CRYBG3: variants seen among roughly 807,000 people sequenced by gnomAD.
CRYBG3 encodes crystallin beta-gamma domain containing 3.
In CRYBG3, 127 loss-of-function variants were observed where a neutral mutation model predicts 244.2. The ratio of observed to expected loss-of-function variants is 0.52; its 90% CI spans 0.45 to 0.60. The LOEUF (loss-of-function observed/expected upper bound fraction) is 0.60. Ranked by LOEUF, CRYBG3 falls within the 20% of genes least tolerant of loss-of-function variation. CRYBG3 has a pLI of 0.00. For synonymous variants in CRYBG3, 1,132 were observed against 1,195.8 expected (o/e 0.95, Z 1.10); for missense variants, 3,325 against 3,442.5 (o/e 0.97, Z 0.85).
rs576111863 is a variant in CRYBG3 at position 97,913,667 on chromosome 3, G to C, written c.8114+1391G>C. On this transcript the variant is annotated intron_variant, in intron 16 of 21. Coordinates refer to ENST00000389622, the MANE Select transcript of CRYBG3 (RefSeq NM_153605.4). ...GTGGGGCAGATTTGGCCCACATGCT[G>C]TAGTTTGCTGACACCTGTTTCATAC... 7.2e-5 allele frequency among the ~76,000 whole-genome samples: 11 copies of C among 152,294 alleles called. No homozygotes were observed. In the East Asian group the frequency reaches 9.6e-4, roughly 13 times the overall value.
At chr3:97,905,041 A>G (rs961073697) in intron 15 of CRYBG3, among the ~76,000 whole-genome samples, 5 of 151,802 alleles carry the variant, frequency 3.3e-5, no homozygotes, top group African/African-American at 4.8e-5. Flanking sequence ...ATGATTTCCA[A>G]TTTCATCCAT....
chr3:97,856,384 G>A (rs1258260430), intron 2 of CRYBG3, among the ~76,000 whole-genome samples: 1 of 152,082 alleles, frequency 6.6e-6, no homozygotes, highest in Non-Finnish European at 1.5e-5. Flanking sequence ...ACATGATGAG[G>A]ATGGCGACAT....
Position 97,904,215 on chromosome 3 carries a change from G to T in CRYBG3, c.8004+3730G>T, listed in dbSNP as rs75545819. On this transcript the variant is annotated intron_variant, in intron 15 of 21. Transcript: ENST00000389622. ...GACAATCCTCAGAACATTATTATGA[G>T]AATTGTTCTATTTTGAGGATTGATA... Among the ~76,000 whole-genome samples, 788 of 152,210 alleles carry T rather than the reference G, an allele frequency of 5.2e-3. 5 individuals carry two copies. Among genetic ancestry groups the T allele is most frequent in the African/African-American group, 0.018 (748 of 41,516 alleles).
At chr3:97,849,966 T>C (rs1207304926) in intron 2 of CRYBG3, among the ~76,000 whole-genome samples, 1 of 152,182 alleles carries the variant, frequency 6.6e-6, no homozygotes, top group Non-Finnish European at 1.5e-5. Context: ...GCATCTTGGC[T>C]AGTGACTAGC....
At chr3:97,832,500 A>G (rs1366323122) in intron 1 of CRYBG3, among the ~76,000 whole-genome samples, 1 of 152,202 alleles carries the variant, frequency 6.6e-6, no homozygotes, top group African/African-American at 2.4e-5. Flanking sequence ...TGGTTTTGGG[A>G]AAACTGGCTA....
At chr3:97,900,269 G>A (rs1484433501) in intron 14 of CRYBG3, among the ~76,000 whole-genome samples, 184 bp from the exon 15 acceptor site, 1 of 152,056 alleles carries the variant, frequency 6.6e-6, no homozygotes, top group African/African-American at 2.4e-5. Context: ...GATCGCTTGA[G>A]CCCTGAAGAT....
rs1240818053 is a variant in CRYBG3, at chr3:97,876,337, G to A, written c.5143G>A (p.Glu1715Lys). ...AEVIPVTLAM[E>K]NTYQKDAEGD... ...AGTGATACCCGTTACATTAGCAATG[G>A]AAAATACTTACCAAAAGGATGCTGA... is the stretch of plus-strand genomic sequence containing the variant. Residue 1715 changes from glutamate to lysine, a missense_variant, in exon 4 of 22, where the codon GAA becomes AAA. Coordinates refer to ENST00000389622, the MANE Select transcript of CRYBG3 (RefSeq NM_153605.4). 8.1e-7 allele frequency: 1 copy of A among 1,231,516 alleles called. No individual in the cohort carries two copies. The highest frequency in any genetic ancestry group is 1.0e-6 in the Non-Finnish European group (1 of 987,846). The allele number at this position is 1,231,516 out of a possible 1,614,324, so 76.3% of individuals were successfully genotyped here.
rs1030090690 is a variant in CRYBG3, at chr3:97,878,152, T to C, written c.6843+115T>C. The C allele has an allele frequency of 1.3e-5, 12 of 941,738 alleles. No homozygotes were observed. In the African/African-American group the frequency reaches 2.0e-4, roughly 16 times the overall value. The allele number at this position is 941,738 out of a possible 1,614,324, so 58.3% of individuals were successfully genotyped here. A position where few individuals can be genotyped will look rare whatever the true frequency, so the allele number is the denominator to read the frequency against. Reference sequence around the variant, plus strand: ...TTGGCCAAGCATGGTGGCTCATGCCTGTAATCCTGGCACTTTGGGAGGCCG... The same window carrying C: ...TTGGCCAAGCATGGTGGCTCATGCCCGTAATCCTGGCACTTTGGGAGGCCG... On this transcript the variant is annotated intron_variant, in intron 4 of 21. Coordinates refer to ENST00000389622, the MANE Select transcript of CRYBG3 (RefSeq NM_153605.4).
chr3:97,876,751 C>A lies in CRYBG3; in HGVS notation c.5557C>A (p.Arg1853Ser), dbSNP rs1190425709. The change falls in exon 4 of 22, where the codon CGT becomes AGT. Residue 1853 changes from arginine (R) to serine (S), a missense_variant. Around this residue, in one of 4 missense-constraint regions of CRYBG3, gnomAD observed 635 missense variants for 771.7 expected, o/e 0.82. Transcript: ENST00000389622. ...AATGGAAAAAATATCCCCAGAAGAT[C>A]GTGGTGAGAATATTGGGAAACACAA... is the stretch of plus-strand genomic sequence containing the variant. ...IEMEKISPED[R>S]GENIGKHKVL... 6.4e-6 allele frequency: 8 copies of A among 1,255,464 alleles called. No individual in the cohort carries two copies. The highest frequency in any genetic ancestry group is 7.0e-6 in the Non-Finnish European group (7 of 1,002,720). The allele number at this position is 1,255,464 out of a possible 1,614,324, so 77.8% of individuals were successfully genotyped here. A position where few individuals can be genotyped will look rare whatever the true frequency, so the allele number is the denominator to read the frequency against.
chr3:97,924,680 T>C (rs1247614077), intron 17 of CRYBG3, among the ~76,000 whole-genome samples: 1 of 152,080 alleles, frequency 6.6e-6, no homozygotes, highest in Admixed American at 6.6e-5. Context: ...ATCACTCTAG[T>C]CTCTGCTCTT....
At position 97,864,532 on chromosome 3, in the gene CRYBG3, C is replaced by A; in HGVS notation, c.532C>A (p.Leu178Ile). Reference protein sequence around the residue: ...KREREIFSGSLRTQTHPTEEQ... With the variant: ...KREREIFSGSIRTQTHPTEEQ... ...GGAGAGAGAGATTTTCAGTGGCTCC[C>A]TAAGAACCCAGACACATCCAACAGA... is the stretch of plus-strand genomic sequence containing the variant. Residue 178 changes from leucine to isoleucine, a missense_variant, in exon 3 of 22, where the codon CTA (leucine) becomes ATA (isoleucine). Transcript: ENST00000389622. 1.3e-6 allele frequency: 2 copies of A among 1,535,858 alleles called. No individual in the cohort carries two copies. Among genetic ancestry groups the A allele is most frequent in the Non-Finnish European group, 1.7e-6 (2 of 1,146,768 alleles).
At chr3:97,932,711 G>A (rs182010214) in intron 17 of CRYBG3, among the ~76,000 whole-genome samples, 2 of 152,170 alleles carry the variant, frequency 1.3e-5, no homozygotes, top group Admixed American at 6.5e-5. Flanking sequence ...AGCAAGCAGT[G>A]CAATGCACCA....
At chr3:97,902,887 T>C (rs1324922179) in intron 15 of CRYBG3, among the ~76,000 whole-genome samples, 1 of 152,200 alleles carries the variant, frequency 6.6e-6, no homozygotes, top group East Asian at 1.9e-4. Context: ...TATCTGCATG[T>C]CGTCATCATC....
At chr3:97,914,126 T>C (rs2039902105) in intron 16 of CRYBG3, among the ~76,000 whole-genome samples, 1 of 152,312 alleles carries the variant, frequency 6.6e-6, no homozygotes, top group East Asian at 1.9e-4. Context: ...CTATTTCCTA[T>C]AGCTGTTCTG....
Position 97,933,710 on chromosome 3 carries a change from C to G in CRYBG3, c.8258C>G (p.Ser2753Cys). The part of the protein sequence containing the change: ...KPIDYVFEEP[S>C]ISLFALEHCE... ...TGCTAATAGGTTTTTGAAGAACCCT[C>G]CATCAGCCTTTTTGCTCTGGAGCAT... Residue 2753 changes from serine to cysteine, a missense_variant, in exon 18 of 22, where the codon TCC becomes TGC. Ser to Cys is a moderately radical substitution (Grantham distance 112). This residue lies in a region of CRYBG3 where 714 missense variants were observed against 803.6 expected (regional missense o/e 0.89). Coordinates refer to ENST00000389622, the MANE Select transcript of CRYBG3 (RefSeq NM_153605.4). 6.2e-7 allele frequency: 1 copy of G among 1,613,000 alleles called. No homozygotes were observed. Among genetic ancestry groups the G allele is most frequent in the Non-Finnish European group, 8.5e-7 (1 of 1,179,330 alleles).
chr3:97,904,602 A>T (rs546115214), intron 15 of CRYBG3, among the ~76,000 whole-genome samples: 3 of 152,272 alleles, frequency 2.0e-5, no homozygotes, highest in Admixed American at 6.5e-5. Flanking sequence ...ACTAATAAAC[A>T]AACTGGGAAT....
intron 17 of CRYBG3, among the ~76,000 whole-genome samples, chr3:97,925,758 G>C (rs1376585266): frequency 6.6e-6 from 1 of 151,950 alleles, no homozygotes; most frequent in Non-Finnish European, 1.5e-5. Flanking sequence ...ATTTTAAAAT[G>C]TGATACAAAT....
intron 19 of CRYBG3, among the ~76,000 whole-genome samples, chr3:97,938,714 G>A (rs1186362860): frequency 1.3e-5 from 2 of 151,890 alleles, no homozygotes; most frequent in Non-Finnish European, 2.9e-5. Context: ...TTGCTGTGAC[G>A]GTTGAATAAG....
At position 97,875,834 on chromosome 3, in the gene CRYBG3, G is replaced by A. The variant is rs2039364692; in HGVS notation, c.4640G>A (p.Gly1547Glu). 1.6e-6 allele frequency: 2 copies of A among 1,231,826 alleles called. No homozygotes were observed. Among genetic ancestry groups the A allele is most frequent in the Admixed American group, 4.2e-5 (1 of 23,670 alleles). 76.3% of individuals were successfully genotyped at this position (1,231,826 alleles called of 1,614,324 possible). A position where few individuals can be genotyped will look rare whatever the true frequency, so the allele number is the denominator to read the frequency against. Residue 1547 changes from glycine (G) to glutamate (E), a missense_variant, in exon 4 of 22, where the codon GGG becomes GAG. Transcript: ENST00000389622. The stretch of plus-strand genomic sequence containing the variant: ...CTTATACCTTCCATGTTAGAAACAG[G>A]GAAAACAAACAAAAAGGATGCTGAA... Reference protein sequence around the residue: ...IELIPSMLETGKTNKKDAELN... With the variant: ...IELIPSMLETEKTNKKDAELN...
Sources: gnomAD v4.1 joint callset for allele counts (sites outside exome capture counted in the v4.1 genomes callset) on GRCh38, gnomAD v4.1.1 for gene constraint, gnomAD v4.1.1 regional missense constraint, MANE v1.5 for transcripts, NCBI Gene and HGNC (gene_info 2026-07-23, HGNC 2026-07-21) for gene names.